Variants in TECRL observed in about 807,000 individuals in gnomAD.
TECRL encodes the protein trans-2,3-enoyl-CoA reductase-like.
TECRL carries 63 observed loss-of-function variants against 52.8 expected under a neutral mutation model. The observed-to-expected ratio is 1.19, with a 90% CI of 0.97 to 1.47. The LOEUF (loss-of-function observed/expected upper bound fraction) is 1.47, where lower values mean the gene tolerates loss of function less well. Among genes scored for constraint, TECRL ranks in the 40% most tolerant of loss-of-function variants. TECRL has a pLI of 0.00. For synonymous variants in TECRL, 164 were observed against 141.9 expected, an observed-to-expected ratio of 1.16 and a Z score of -1.10; for missense variants, 482 against 429.6, an observed-to-expected ratio of 1.12 and a Z score of -1.08.
chr4:64,382,662 C>A (rs1722897958), intron 1 of TECRL, among the ~76,000 whole-genome samples: 1 of 151,910 alleles, frequency 6.6e-6, no homozygotes, highest in African/African-American at 2.4e-5. Context: ...CCTAATCAGC[C>A]AATTTGTATC....
chr4:64,358,470 T>C (rs1217880978), intron 2 of TECRL, among the ~76,000 whole-genome samples: 1 of 151,720 alleles, frequency 6.6e-6, no homozygotes, highest in African/African-American at 2.4e-5. Context: ...TATGTGGAAA[T>C]ACATATAGAA....
chr4:64,297,718 G>T (rs1249885931), intron 8 of TECRL, among the ~76,000 whole-genome samples: 1 of 151,038 alleles, frequency 6.6e-6, no homozygotes, highest in Admixed American at 6.6e-5. Flanking sequence ...ATAAATTGAA[G>T]AATAGACTTT....
intron 2 of TECRL, among the ~76,000 whole-genome samples, chr4:64,331,302 G>T (rs758351022): frequency 1.3e-4 from 19 of 151,998 alleles, no homozygotes; most frequent in Non-Finnish European, 2.1e-4. Context: ...ATTACTGTCA[G>T]GTTTTTGGAA....
chr4:64,385,361 C>T (rs952854186), intron 1 of TECRL, among the ~76,000 whole-genome samples: 8 of 152,178 alleles, frequency 5.3e-5, no homozygotes, highest in Non-Finnish European at 1.2e-4. Context: ...TTGGAGCAGC[C>T]TGTTGATAGG....
At chr4:64,335,740 T>C (rs1719028544) in intron 2 of TECRL, among the ~76,000 whole-genome samples, 1 of 152,226 alleles carries the variant, frequency 6.6e-6, no homozygotes, top group Admixed American at 6.5e-5. Flanking sequence ...TATTTCATAA[T>C]AAATTTACAT....
intron 1 of TECRL, among the ~76,000 whole-genome samples, chr4:64,394,794 C>T (rs11131533): frequency 0.57 from 86,347 of 151,658 alleles, 28,807 homozygotes; most frequent in Non-Finnish European, 0.74. Flanking sequence ...AACATTTGAT[C>T]ATCAAAAATA....
At chr4:64,370,327 A>C (rs1442912949) in intron 2 of TECRL, among the ~76,000 whole-genome samples, 1 of 151,888 alleles carries the variant, frequency 6.6e-6, no homozygotes, top group East Asian at 1.9e-4. Context: ...TCCAAAAAAA[A>C]AGTAGATTTC....
chr4:64,302,463 G>T (rs1724078259), intron 7 of TECRL, among the ~76,000 whole-genome samples: 1 of 151,366 alleles, frequency 6.6e-6, no homozygotes, highest in Middle Eastern at 3.4e-3. Flanking sequence ...AATCATGGCA[G>T]TAATGCAAGA....
chr4:64,409,115 C>A lies in TECRL; in HGVS notation c.234+3G>T, dbSNP rs1175215825. 1 of 1,592,626 alleles carries A rather than the reference C, an allele frequency of 6.3e-7. No individual in the cohort carries two copies. Among genetic ancestry groups the A allele is most frequent in the Non-Finnish European group, 8.6e-7 (1 of 1,169,130 alleles). On this transcript the variant is annotated splice_donor_region_variant and intron_variant, in intron 1 of 11. Coordinates refer to ENST00000381210, the MANE Select transcript of TECRL (RefSeq NM_001010874.5). ...AAACAAATAAATAAATAAATAAACT[C>A]ACCTTATCCAGAATACATATCTGTT...
intron 1 of TECRL, among the ~76,000 whole-genome samples, chr4:64,396,175 T>C (rs1306975026): frequency 6.6e-6 from 1 of 152,190 alleles, no homozygotes; most frequent in Non-Finnish European, 1.5e-5. Context: ...CAATTTATAT[T>C]CCTGTGGAAA....
At chr4:64,306,303 T>C (rs982146762) in intron 6 of TECRL, among the ~76,000 whole-genome samples, 4 of 152,108 alleles carry the variant, frequency 2.6e-5, no homozygotes, top group African/African-American at 9.7e-5. Flanking sequence ...ACAGTTTCCC[T>C]TCATGGAGCT....
At chr4:64,358,333 GT>G (rs1354773952) in intron 2 of TECRL, among the ~76,000 whole-genome samples, 1 of 151,828 alleles carries the variant, frequency 6.6e-6, no homozygotes, top group East Asian at 1.9e-4. Flanking sequence ...AAAAAATATT[GT>G]TAAATAAATA....
At chr4:64,380,932 C>T (rs1000442754) in intron 1 of TECRL, among the ~76,000 whole-genome samples, 2 of 151,862 alleles carry the variant, frequency 1.3e-5, no homozygotes, top group African/African-American at 2.4e-5. Context: ...TTGTAAAGAA[C>T]GTCATTGGTG....
intron 1 of TECRL, among the ~76,000 whole-genome samples, chr4:64,382,719 T>C (rs888807698): frequency 6.6e-6 from 1 of 152,246 alleles, no homozygotes; most frequent in Middle Eastern, 3.4e-3. Flanking sequence ...TTGTTATTTA[T>C]AGGATACAAC....
chr4:64,326,060 G>T (rs185098142), intron 3 of TECRL, among the ~76,000 whole-genome samples: 19 of 152,120 alleles, frequency 1.2e-4, no homozygotes, highest in African/African-American at 4.1e-4. Context: ...TAAGGGCCCT[G>T]AATTTCCTGA....
intron 8 of TECRL, among the ~76,000 whole-genome samples, chr4:64,290,381 T>C (rs1254012015): frequency 2.6e-5 from 4 of 152,176 alleles, no homozygotes; most frequent in African/African-American, 9.6e-5. Context: ...GTTTGCAACA[T>C]GTGTCCTGTG....
chr4:64,360,924 A>T (rs1721145301), intron 2 of TECRL, among the ~76,000 whole-genome samples: 1 of 152,162 alleles, frequency 6.6e-6, no homozygotes, highest in Non-Finnish European at 1.5e-5. Flanking sequence ...GGTTTGGTGC[A>T]GGAACAGGCA....
intron 1 of TECRL, among the ~76,000 whole-genome samples, chr4:64,385,733 C>T (rs1459983954): frequency 1.3e-5 from 2 of 152,058 alleles, no homozygotes; most frequent in Non-Finnish European, 2.9e-5. Context: ...ATGTGTGGAA[C>T]GCAATGTGAA....
chr4:64,381,376 T>C (rs935939321), intron 1 of TECRL, among the ~76,000 whole-genome samples: 3 of 151,978 alleles, frequency 2.0e-5, no homozygotes, highest in South Asian at 2.1e-4. Context: ...GATGCCCTTT[T>C]TTTTTTTCTT....
Sources: allele counts gnomAD v4.1 joint callset (sites outside exome capture counted in the v4.1 genomes callset), GRCh38; gene constraint gnomAD v4.1.1; transcripts MANE v1.5; gene names NCBI Gene and HGNC (gene_info 2026-07-23, HGNC 2026-07-21).